NARS2: variants seen among roughly 807,000 people sequenced by gnomAD.
NARS2 encodes the protein asparaginyl-tRNA synthetase.
NARS2 carries 60 observed loss-of-function variants against 62.9 expected under a neutral mutation model. The ratio of observed to expected loss-of-function variants is 0.95; its 90% CI spans 0.77 to 1.18. The LOEUF (loss-of-function observed/expected upper bound fraction) is 1.18. NARS2 is among the 50% of genes most tolerant of loss of function. The pLI is 0.00. For missense variants in NARS2, 619 were observed against 576.4 expected, an observed-to-expected ratio of 1.07 and a Z score of -0.76; for synonymous variants, 196 against 200.0, an observed-to-expected ratio of 0.98 and a Z score of 0.17.
chr11:78,529,282 C>T (rs1470634535), intron 5 of NARS2, among the ~76,000 whole-genome samples: 2 of 152,180 alleles, frequency 1.3e-5, no homozygotes, highest in Admixed American at 1.3e-4. Flanking sequence ...TACATAACCT[C>T]AAAAGGTTGA....
intron 6 of NARS2, among the ~76,000 whole-genome samples, chr11:78,506,999 G>A (rs923290389): frequency 2.0e-5 from 3 of 152,130 alleles, no homozygotes; most frequent in African/African-American, 4.8e-5. Context: ...AGCTGTGCAC[G>A]TCTTCCTGGA....
chr11:78,475,554 C>T (rs1859053654), intron 9 of NARS2, among the ~76,000 whole-genome samples: 1 of 137,696 alleles, frequency 7.3e-6, no homozygotes, highest in Non-Finnish European at 1.6e-5. Flanking sequence ...AGCGCCACAT[C>T]TTTGCCAACA....
chr11:78,559,443 T>C (rs1316176075), intron 5 of NARS2, 96 bp downstream of exon 5: 4 of 806,996 alleles, frequency 5.0e-6, no homozygotes, highest in South Asian at 3.0e-5. Flanking sequence ...GTGCTGCTCA[T>C]AGTCTTCTGT....
At chr11:78,483,663 T>G (rs976785411) in intron 7 of NARS2, among the ~76,000 whole-genome samples, 4 of 151,936 alleles carry the variant, frequency 2.6e-5, no homozygotes, top group Non-Finnish European at 5.9e-5. Flanking sequence ...AATAAAATAC[T>G]TAGGAGTACA....
rs112441644 is a variant in NARS2 at position 78,487,098 on chromosome 11, G to A, written c.822+5965C>T. Among the ~76,000 whole-genome samples the A allele has an allele frequency of 2.5e-3, 375 of 152,208 alleles. 3 individuals are homozygous for A. The highest frequency in any genetic ancestry group is 8.7e-3 in the African/African-American group (361 of 41,542). ...TAGCCAGGCATGGTGGCTCACGCCT[G>A]TAATCCCAGCACTTTGGGAGTCTGA... On this transcript the variant is annotated intron_variant, in intron 7 of 13. Transcript: ENST00000281038.
intron 7 of NARS2, 78 bp downstream of exon 7, chr11:78,492,985 T>C: frequency 6.0e-6 from 8 of 1,330,594 alleles, no homozygotes; most frequent in Non-Finnish European, 8.4e-6. Context: ...CTGTAACACA[T>C]AAACGTCCGA....
At chr11:78,565,207 A>C (rs114768081) in intron 4 of NARS2, among the ~76,000 whole-genome samples, 2,622 of 152,332 alleles carry the variant, frequency 0.017, 75 homozygotes, top group African/African-American at 0.059. Context: ...AAATGAGACA[A>C]AATGTCCTTA....
chr11:78,552,624 G>T (rs996590862), intron 5 of NARS2, among the ~76,000 whole-genome samples: 2 of 152,110 alleles, frequency 1.3e-5, no homozygotes, highest in Non-Finnish European at 2.9e-5. Flanking sequence ...GCCTCCTTTG[G>T]TGAGGCTAAT....
intron 11 of NARS2, among the ~76,000 whole-genome samples, chr11:78,463,400 G>C (rs1400316562): frequency 1.3e-5 from 2 of 152,216 alleles, no homozygotes; most frequent in African/African-American, 2.4e-5. Flanking sequence ...GAATAAAAAA[G>C]GCAGGCCAGG....
At chr11:78,521,661 G>C (rs532328462) in intron 6 of NARS2, among the ~76,000 whole-genome samples, 1 of 151,544 alleles carries the variant, frequency 6.6e-6, no homozygotes, top group Non-Finnish European at 1.5e-5. Context: ...GTAGTGGCGG[G>C]TGCCTGTAGT....
At chr11:78,564,438 G>A (rs1856670943) in intron 4 of NARS2, among the ~76,000 whole-genome samples, 1 of 152,052 alleles carries the variant, frequency 6.6e-6, no homozygotes, top group Non-Finnish European at 1.5e-5. Context: ...AGATCCTCCT[G>A]CCTCAGCCTC....
intron 4 of NARS2, among the ~76,000 whole-genome samples, chr11:78,563,099 T>C (rs1300648629): frequency 2.0e-5 from 3 of 152,166 alleles, no homozygotes; most frequent in Non-Finnish European, 4.4e-5. Flanking sequence ...AACAGAATTA[T>C]ATTCTCCAGG....
chr11:78,529,863 T>C (rs1861417598), intron 5 of NARS2, among the ~76,000 whole-genome samples: 1 of 152,200 alleles, frequency 6.6e-6, no homozygotes, highest in African/African-American at 2.4e-5. Context: ...TTGAAAATGT[T>C]TTAGTGTAAA....
intron 7 of NARS2, among the ~76,000 whole-genome samples, chr11:78,487,395 GAGAAAGAA>G (rs1163204047): frequency 6.7e-6 from 1 of 150,018 alleles, no homozygotes; most frequent in Non-Finnish European, 1.5e-5. Flanking sequence ...GAGAGAGAGA[GAGAAAGAA>G]AGAAAGAAAG....
intron 5 of NARS2, among the ~76,000 whole-genome samples, chr11:78,535,718 C>G (rs1213982556): frequency 3.3e-5 from 5 of 151,886 alleles, no homozygotes; most frequent in Admixed American, 2.0e-4. Context: ...CAACCTCTGC[C>G]CCGCCAGGTT....
chr11:78,468,310 G>GAAAAAAAAAAAAAAAAAAAAAAA lies in NARS2; in HGVS notation c.1026+936_1026+937insTTTTTTTTTTTTTTTTTTTTTTT, dbSNP rs764254167. 1.3e-4 allele frequency among the ~76,000 whole-genome samples: 9 copies of GAAAAAAAAAAAAAAAAAAAAAAA among 67,424 alleles called. 1 individual carries two copies. The highest frequency in any genetic ancestry group is 5.3e-4 in the African/African-American group (9 of 17,058). 44.2% of individuals were successfully genotyped at this position (67,424 alleles called of 152,430 possible). A position where few individuals can be genotyped will look rare whatever the true frequency, so the allele number is the denominator to read the frequency against. On this transcript the variant is annotated intron_variant, in intron 10 of 13. Transcript: ENST00000281038. ...ACCTGCTTCTGCAAGCACTAAATCTGAAAAAAAAAAAAAAAAAAGAAAAAA... is the reference window on the plus strand; with the variant it reads ...ACCTGCTTCTGCAAGCACTAAATCTGAAAAAAAAAAAAAAAAAAAAAAAAAAAAAAAAAAAAAAAAAGAAAAAA...
At chr11:78,570,576 C>T (rs758244040) in intron 2 of NARS2, among the ~76,000 whole-genome samples, 5 of 152,074 alleles carry the variant, frequency 3.3e-5, no homozygotes, top group Non-Finnish European at 4.4e-5. Flanking sequence ...TTGGTAGAGA[C>T]GGGGTTTTAA....
At chr11:78,553,063 A>G (rs1271300808) in intron 5 of NARS2, among the ~76,000 whole-genome samples, 1 of 151,962 alleles carries the variant, frequency 6.6e-6, no homozygotes, top group East Asian at 1.9e-4. Flanking sequence ...GAGCTAATTT[A>G]TACTCCCTCC....
At chr11:78,491,093 C>A (rs1032767897) in intron 7 of NARS2, among the ~76,000 whole-genome samples, 2 of 152,176 alleles carry the variant, frequency 1.3e-5, no homozygotes, top group Non-Finnish European at 2.9e-5. Flanking sequence ...TTAAGGAATG[C>A]CACTGACTCC....
Sources: allele counts gnomAD v4.1 joint callset (sites outside exome capture counted in the v4.1 genomes callset), GRCh38; gene constraint gnomAD v4.1.1; transcripts MANE v1.5; gene names NCBI Gene and HGNC (gene_info 2026-07-23, HGNC 2026-07-21).